Variants in CACNB4 observed in about 807,000 individuals in gnomAD.
CACNB4 encodes calcium voltage-gated channel auxiliary subunit beta 4, also known as voltage-dependent L-type calcium channel subunit beta-4.
Under a neutral mutation model 71.2 loss-of-function variants are expected in CACNB4, and 32 were observed. The ratio of observed to expected loss-of-function variants is 0.45; its 90% CI spans 0.34 to 0.60. The LOEUF is 0.60. CACNB4 is among the 20% of genes least tolerant of loss of function. CACNB4 has a pLI of 0.01. For synonymous variants in CACNB4, 231 were observed against 236.9 expected, an observed-to-expected ratio of 0.97 and a Z score of 0.23; for missense variants, 464 against 647.9, an observed-to-expected ratio of 0.72 and a Z score of 3.08.
chr2:151,956,864 C>T lies in CACNB4; in HGVS notation c.148-73494G>A, dbSNP rs545337146. On this transcript the variant is annotated intron_variant, in intron 2 of 13. Transcript: ENST00000539935. ...TTAAGAATACAGACCTTTTAATTTC[C>T]AGCCGGGCACAGTGGCTCATGCCTG... Among the ~76,000 whole-genome samples the T allele has an allele frequency of 3.9e-5, 6 of 152,210 alleles. No individual in the cohort carries two copies. In the East Asian group the frequency reaches 1.2e-3, roughly 29 times the overall value.
intron 11 of CACNB4, chr2:151,854,563 T>C (rs2099839797): frequency 6.6e-6 from 1 of 152,188 alleles, no homozygotes; most frequent in Non-Finnish European, 1.5e-5. Flanking sequence ...AGGGTAACCA[T>C]TTCACGTTAA....
At position 152,049,844 on chromosome 2, in the gene CACNB4, C is replaced by T. The variant is rs116501157; in HGVS notation, c.147+48486G>A. Reference sequence around the variant, plus strand: ...ACCAATAAAAGAAACCATTTTATTCCTTTTAGAGCGTTCAAGTTAAGACCA... The same window carrying T: ...ACCAATAAAAGAAACCATTTTATTCTTTTTAGAGCGTTCAAGTTAAGACCA... On this transcript the variant is annotated intron_variant, in intron 2 of 13. Transcript: ENST00000539935. Among the ~76,000 whole-genome samples, 895 of 152,320 alleles carry T rather than the reference C, an allele frequency of 5.9e-3. 13 individuals are homozygous for T. Among genetic ancestry groups the T allele is most frequent in the African/African-American group, 0.021 (860 of 41,564 alleles).
chr2:151,963,412 A>G (rs62176760), intron 2 of CACNB4, among the ~76,000 whole-genome samples: 4,395 of 152,098 alleles, frequency 0.029, 66 homozygotes, highest in African/African-American at 0.039. Flanking sequence ...CTGGGCCTCA[A>G]CTGTTTCATC....
intron 2 of CACNB4, among the ~76,000 whole-genome samples, chr2:151,909,849 A>T (rs960526504): frequency 6.6e-6 from 1 of 152,114 alleles, no homozygotes; most frequent in Non-Finnish European, 1.5e-5. Context: ...GCTATTGTAA[A>T]TCGTGCTGCA....
chr2:151,863,292 C>T (rs145435454), intron 9 of CACNB4, among the ~76,000 whole-genome samples: 27 of 152,284 alleles, frequency 1.8e-4, no homozygotes, highest in African/African-American at 5.3e-4. Context: ...TCTCAAACTC[C>T]TGACCTCAGG....
chr2:152,013,995 T>C lies in CACNB4; in HGVS notation c.147+84335A>G, dbSNP rs117192345. Among the ~76,000 whole-genome samples, 8 of 152,298 alleles carry C rather than the reference T, an allele frequency of 5.3e-5. No homozygotes were observed. In the East Asian group the frequency reaches 1.3e-3, roughly 26 times the overall value. ...CTTTCCTAGCTGGCTGGGAAAACAA[T>C]GACACTACCCTGTTACATGATGGGA... On this transcript the variant is annotated intron_variant, in intron 2 of 13. Transcript: ENST00000539935.
At chr2:151,889,295 C>T (rs946825860) in intron 2 of CACNB4, among the ~76,000 whole-genome samples, 9 of 151,766 alleles carry the variant, frequency 5.9e-5, no homozygotes, top group African/African-American at 1.2e-4. Context: ...GTGGTGAAAC[C>T]GTCTCTACAA....
intron 2 of CACNB4, among the ~76,000 whole-genome samples, chr2:151,993,156 T>G (rs1420644357): frequency 1.3e-5 from 2 of 151,924 alleles, no homozygotes; most frequent in Non-Finnish European, 2.9e-5. Flanking sequence ...TTTTTGTTTT[T>G]TTTTTTTTTA....
chr2:151,842,320 C>CTTTTTTT (rs35662354), intron 12 of CACNB4, among the ~76,000 whole-genome samples: 2 of 67,726 alleles, frequency 3.0e-5, no homozygotes, highest in Non-Finnish European at 5.2e-5. Context: ...ATATTTGGAT[C>CTTTTTTT]TTTTTTTTTT....
chr2:151,858,157 C>T (rs2099840756), intron 10 of CACNB4: 1 of 152,122 alleles, frequency 6.6e-6, no homozygotes, highest in Non-Finnish European at 1.5e-5. Flanking sequence ...ATAAGTTTTC[C>T]TCATAATCCT....
chr2:152,040,625 A>G (rs1395686479), intron 2 of CACNB4, among the ~76,000 whole-genome samples: 1 of 152,174 alleles, frequency 6.6e-6, no homozygotes, highest in Non-Finnish European at 1.5e-5. Flanking sequence ...TATTTTTAGT[A>G]GAGACGAGGT....
rs1352092419 is a variant in CACNB4, at chr2:151,875,694, G to A, written c.521+732C>T. Among the ~76,000 whole-genome samples the A allele has an allele frequency of 3.0e-3, 6 of 2,002 alleles. 1 individual carries two copies. The highest frequency in any genetic ancestry group is 8.9e-3 in the Admixed American group (2 of 224). 1.3% of individuals were successfully genotyped at this position (2,002 alleles called of 152,430 possible). ...GGGCTGACCCCCCCACCTCCCTCCC[G>A]GACGGGCGGCTGGCCGGGCAGAGGG... On this transcript the variant is annotated intron_variant, in intron 5 of 13. Transcript: ENST00000539935.
chr2:151,919,715 C>T (rs954727882), intron 2 of CACNB4, among the ~76,000 whole-genome samples: 7 of 152,060 alleles, frequency 4.6e-5, no homozygotes, highest in African/African-American at 1.7e-4. Context: ...ACCTTGACGC[C>T]CCCCTTAATT....
intron 6 of CACNB4, chr2:151,871,545 C>T (rs997987958): frequency 1.3e-5 from 2 of 152,390 alleles, no homozygotes; most frequent in African/African-American, 4.8e-5. Flanking sequence ...ATTCTGTGGA[C>T]ATCCAAGCAG....
At chr2:152,081,419 G>A (rs1687347148) in intron 2 of CACNB4, among the ~76,000 whole-genome samples, 1 of 152,128 alleles carries the variant, frequency 6.6e-6, no homozygotes. Context: ...TTTGGAGGCT[G>A]AGGTGGGAGG....
chr2:151,987,401 G>A (rs887270270), intron 2 of CACNB4, among the ~76,000 whole-genome samples: 1 of 152,104 alleles, frequency 6.6e-6, no homozygotes, highest in Non-Finnish European at 1.5e-5. Flanking sequence ...CTCTCTCCAT[G>A]GGCTATTTTG....
chr2:151,961,067 T>C (rs2099869533), intron 2 of CACNB4, among the ~76,000 whole-genome samples: 1 of 152,200 alleles, frequency 6.6e-6, no homozygotes, highest in African/African-American at 2.4e-5. Context: ...AATGCTCCTC[T>C]TAGCATTCCC....
chr2:151,998,763 T>C (rs995364668), intron 2 of CACNB4, among the ~76,000 whole-genome samples: 1 of 152,096 alleles, frequency 6.6e-6, no homozygotes, highest in Non-Finnish European at 1.5e-5. Context: ...CCCCAGAAAA[T>C]CTATTTTCAC....
At chr2:151,891,226 G>C (rs897925279) in intron 2 of CACNB4, among the ~76,000 whole-genome samples, 4 of 152,070 alleles carry the variant, frequency 2.6e-5, no homozygotes, top group Non-Finnish European at 4.4e-5. Context: ...TCTTTTAATT[G>C]CTAGTCTGAG....
Sources: allele counts gnomAD v4.1 joint callset (sites outside exome capture counted in the v4.1 genomes callset), GRCh38; gene constraint gnomAD v4.1.1; transcripts MANE v1.5; gene names NCBI Gene and HGNC (gene_info 2026-07-23, HGNC 2026-07-21).